MAP3K4: variants seen among roughly 807,000 people sequenced by gnomAD.
MAP3K4 encodes MAP three kinase 1.
MAP3K4 carries 67 observed loss-of-function variants against 185.6 expected under a neutral mutation model. That is an observed-to-expected ratio of 0.36 (90% CI 0.30 to 0.44). The LOEUF (loss-of-function observed/expected upper bound fraction) is 0.44. Among genes scored for constraint, MAP3K4 ranks in the 20% least tolerant of loss-of-function variants. The pLI, the probability that MAP3K4 is intolerant of heterozygous loss-of-function variation, is 1.00. For missense variants in MAP3K4, 1,551 were observed against 1,995.1 expected, an observed-to-expected ratio of 0.78 and a Z score of 4.24; for synonymous variants, 702 against 710.4, an observed-to-expected ratio of 0.99 and a Z score of 0.19.
chr6:161,050,019 T>A, intron 3 of MAP3K4, 40 bp downstream of exon 3: 1 of 1,505,248 alleles, frequency 6.6e-7, no homozygotes, highest in South Asian at 1.3e-5. Context: ...ATATCCTTAG[T>A]TCCATTTATT....
At chr6:161,023,968 CTCTTT>C (rs1316941551) in intron 1 of MAP3K4, among the ~76,000 whole-genome samples, 1 of 151,888 alleles carries the variant, frequency 6.6e-6, no homozygotes, top group Non-Finnish European at 1.5e-5. Flanking sequence ...TAAATTTTCT[CTCTTT>C]TATTTTTTTA....
chr6:161,012,392 T>C (rs573739396), intron 1 of MAP3K4, among the ~76,000 whole-genome samples: 1 of 152,328 alleles, frequency 6.6e-6, no homozygotes, highest in Admixed American at 6.5e-5. Context: ...CTTTTTATTA[T>C]ATAAATCATA....
At chr6:161,024,723 C>G (rs1428133555) in intron 1 of MAP3K4, among the ~76,000 whole-genome samples, 1 of 152,138 alleles carries the variant, frequency 6.6e-6, no homozygotes, top group African/African-American at 2.4e-5. Context: ...CACGTGCTGT[C>G]AACATGGCTT....
intron 3 of MAP3K4, among the ~76,000 whole-genome samples, chr6:161,066,279 T>C (rs975324612): frequency 6.6e-6 from 1 of 152,212 alleles, no homozygotes; most frequent in African/African-American, 2.4e-5. Context: ...ATCTTAGTGG[T>C]GTTTTGACTA....
rs10945708 is a variant in MAP3K4 at position 161,017,963 on chromosome 6, C to T, written c.153-16296C>T. 0.21 allele frequency among the ~76,000 whole-genome samples: 31,940 copies of T among 152,084 alleles called. 4,142 individuals are homozygous for T. Among genetic ancestry groups the T allele is most frequent in the Non-Finnish European group, 0.29 (19,877 of 67,994 alleles). On this transcript the variant is annotated intron_variant, in intron 1 of 26. Transcript: ENST00000392142. The surrounding 1 kb of genome is among the most constrained non-coding windows in gnomAD (Gnocchi z 5.1). ...TAGTGATTACAATAAACTCTTCTTA[C>T]GCTATTTGGAATAGACTTGAGTATA...
At chr6:161,113,241 T>G (rs1171771743) in intron 25 of MAP3K4, among the ~76,000 whole-genome samples, 1 of 152,176 alleles carries the variant, frequency 6.6e-6, no homozygotes, top group African/African-American at 2.4e-5. Context: ...GAACCTTCAA[T>G]GCATGTGGCT....
At chr6:161,003,053 G>C (rs2115053314) in intron 1 of MAP3K4, among the ~76,000 whole-genome samples, 1 of 152,180 alleles carries the variant, frequency 6.6e-6, no homozygotes, top group Middle Eastern at 3.4e-3. Flanking sequence ...CATATGGTTT[G>C]TGACATATGA....
At position 161,064,950 on chromosome 6, in the gene MAP3K4, G is replaced by T. The variant is rs1784642186; in HGVS notation, c.1708-5658G>T. On this transcript the variant is annotated intron_variant, in intron 3 of 26. Transcript: ENST00000392142. The surrounding 1 kb of genome is among the most constrained non-coding windows in gnomAD (Gnocchi z 4.3). ...GTCCAAACAGGTTTCCCTCAGGAAGGTTTAATTGGTGGATTTAAAGCAAGC... is the reference window on the plus strand; with the variant it reads ...GTCCAAACAGGTTTCCCTCAGGAAGTTTTAATTGGTGGATTTAAAGCAAGC... Among the ~76,000 whole-genome samples the T allele has an allele frequency of 6.6e-6, 1 of 152,160 alleles. No individual in the cohort carries two copies. The highest frequency in any genetic ancestry group is 2.1e-4 in the South Asian group (1 of 4,830).
At chr6:160,998,375 G>T (rs1309699780) in intron 1 of MAP3K4, among the ~76,000 whole-genome samples, 2 of 152,068 alleles carry the variant, frequency 1.3e-5, no homozygotes, top group Non-Finnish European at 2.9e-5. Flanking sequence ...TATGATGAAC[G>T]TGTTACACAT....
At chr6:161,002,061 T>G (rs1401540904) in intron 1 of MAP3K4, among the ~76,000 whole-genome samples, 2 of 151,306 alleles carry the variant, frequency 1.3e-5, no homozygotes, top group Admixed American at 6.6e-5. Context: ...TTTTTTTTTT[T>G]TTTTTTTTTT....
At chr6:161,102,559 C>T (rs1777882793) in intron 18 of MAP3K4, 140 bp from the exon 19 acceptor site, 2 of 575,304 alleles carry the variant, frequency 3.5e-6, no homozygotes, top group Non-Finnish European at 3.1e-6. Context: ...TAGTTTCTCA[C>T]ACCTACATCA....
chr6:161,098,335 TGCTGCTGCTGCTGCTGTTGCTGCC>T lies in MAP3K4; in HGVS notation c.3583_3606del (p.Ala1195_Ala1202del), dbSNP rs1017619497. On this transcript the variant is annotated inframe_deletion, in exon 17 of 27. Coordinates refer to ENST00000392142, the MANE Select transcript of MAP3K4 (RefSeq NM_005922.4). This position sits in a 1 kb window ranked among gnomAD's most constrained non-coding sequence, Gnocchi z 4.4. ...ATGGCAGCCCTGCTGCTGCTGCTGC[TGCTGCTGCTGCTGCTGTTGCTGCC>T]AGTCGGCCCAGCCCCTCTGGTGGTG... 5.6e-6 allele frequency: 9 copies of T among 1,612,086 alleles called. No homozygotes were observed. Among genetic ancestry groups the T allele is most frequent in the Non-Finnish European group, 7.6e-6 (9 of 1,179,078 alleles).
chr6:161,099,680 C>T (rs1223570176), intron 17 of MAP3K4, among the ~76,000 whole-genome samples: 1 of 152,194 alleles, frequency 6.6e-6, no homozygotes, highest in Non-Finnish European at 1.5e-5. Context: ...CCACCCTGTG[C>T]CCCCTGCATC....
chr6:161,092,886 A>G (rs944749074), intron 13 of MAP3K4, 92 bp from the exon 14 acceptor site: 5 of 718,208 alleles, frequency 7.0e-6, no homozygotes, highest in Non-Finnish European at 1.2e-5. Context: ...AATAGTAATT[A>G]TAATTATGTT....
chr6:161,028,241 A>G (rs905031953), intron 1 of MAP3K4, among the ~76,000 whole-genome samples: 1 of 152,068 alleles, frequency 6.6e-6, no homozygotes, highest in African/African-American at 2.4e-5. Flanking sequence ...TTTTGTATGT[A>G]TGTTTAATTA....
At position 161,026,440 on chromosome 6, in the gene MAP3K4, G is replaced by A. The variant is rs140524681; in HGVS notation, c.153-7819G>A. ...ATGAGCCACCGTGCCCGGTCAGAAGGAAGGCTTTTCTTACAGTTTTGATTT... is the reference window on the plus strand; with the variant it reads ...ATGAGCCACCGTGCCCGGTCAGAAGAAAGGCTTTTCTTACAGTTTTGATTT... On this transcript the variant is annotated intron_variant, in intron 1 of 26. Transcript: ENST00000392142. 9.2e-5 allele frequency among the ~76,000 whole-genome samples: 14 copies of A among 152,194 alleles called. No homozygotes were observed. The East Asian group carries it at 2.7e-3, about 29-fold the overall frequency.
At chr6:161,050,933 A>G (rs1285268821) in intron 3 of MAP3K4, among the ~76,000 whole-genome samples, 1 of 152,222 alleles carries the variant, frequency 6.6e-6, no homozygotes, top group Non-Finnish European at 1.5e-5. Flanking sequence ...CTTCCCACGG[A>G]TCCCAAAATC....
chr6:161,040,490 G>A (rs1783401329), intron 2 of MAP3K4, among the ~76,000 whole-genome samples: 1 of 152,230 alleles, frequency 6.6e-6, no homozygotes, highest in Admixed American at 6.5e-5. Flanking sequence ...ACTGAATGCA[G>A]ATTTTATTAT....
rs73013368 is a variant in MAP3K4 at position 161,107,048 on chromosome 6, G to A, written c.4048+343G>A. 0.01 allele frequency among the ~76,000 whole-genome samples: 1,440 copies of A among 141,080 alleles called. 13 individuals carry two copies. The highest frequency in any genetic ancestry group is 0.016 in the Non-Finnish European group (973 of 62,678). The allele number at this position is 141,080 out of a possible 152,430, so 92.6% of individuals were successfully genotyped here. A position where few individuals can be genotyped will look rare whatever the true frequency, so the allele number is the denominator to read the frequency against. ...TCTCTCTCTCTCTCTACACACGCGC[G>A]CGCACACACACACACACACACACAC... On this transcript the variant is annotated intron_variant, in intron 20 of 26. Transcript: ENST00000392142. The surrounding 1 kb of genome is among the most constrained non-coding windows in gnomAD (Gnocchi z 6.2).
Sources: gnomAD v4.1 joint callset for allele counts (sites outside exome capture counted in the v4.1 genomes callset) on GRCh38, gnomAD v4.1.1 for gene constraint, Gnocchi (gnomAD v3.1) non-coding constraint, MANE v1.5 for transcripts, NCBI Gene and HGNC (gene_info 2026-07-23, HGNC 2026-07-21) for gene names.